KCNH7: variants seen among roughly 807,000 people sequenced by gnomAD.
The protein encoded by KCNH7 is potassium voltage-gated channel subfamily H member 7, also known as voltage-gated inwardly rectifying potassium channel KCNH7.
KCNH7 carries 49 observed loss-of-function variants against 120.8 expected under a neutral mutation model. The observed-to-expected ratio is 0.41, with a 90% CI of 0.32 to 0.51. The LOEUF is 0.51. KCNH7 is among the 20% of genes least tolerant of loss of function. KCNH7 has a pLI of 0.38. For missense variants in KCNH7, 1,097 were observed against 1,446.6 expected, an observed-to-expected ratio of 0.76 and a Z score of 3.92; for synonymous variants, 547 against 516.1, an observed-to-expected ratio of 1.06 and a Z score of -0.81.
intron 2 of KCNH7, among the ~76,000 whole-genome samples, chr2:162,813,132 G>C (rs3912909): frequency 6.6e-6 from 1 of 151,886 alleles, no homozygotes; most frequent in Non-Finnish European, 1.5e-5. Flanking sequence ...ACAAAGACTA[G>C]GGAGACAGGA....
intron 2 of KCNH7, among the ~76,000 whole-genome samples, chr2:162,829,845 A>T (rs1685411477): frequency 8.0e-6 from 1 of 125,046 alleles, no homozygotes; most frequent in Non-Finnish European, 1.7e-5. Flanking sequence ...TGTTAACTTT[A>T]TCTGTTTTTT....
intron 2 of KCNH7, among the ~76,000 whole-genome samples, chr2:162,717,466 C>T (rs930753548): frequency 2.6e-5 from 4 of 152,138 alleles, no homozygotes; most frequent in Admixed American, 1.3e-4. Flanking sequence ...TCACCAGCCT[C>T]CTGCTCACTG....
intron 5 of KCNH7, among the ~76,000 whole-genome samples, chr2:162,510,897 T>G (rs1574046312): frequency 6.6e-6 from 1 of 151,850 alleles, no homozygotes; most frequent in East Asian, 2.0e-4. Flanking sequence ...AGACTTTGGA[T>G]TGAAAATTTA....
intron 2 of KCNH7, among the ~76,000 whole-genome samples, chr2:162,801,273 A>G (rs1327560514): frequency 4.5e-4 from 4 of 8,956 alleles, no homozygotes; most frequent in Non-Finnish European, 2.7e-3. Context: ...TTCAAGCATA[A>G]ATATTTCCCT....
rs67006443 is a variant in KCNH7 at position 162,492,865 on chromosome 2, GTTTTTTTTTTTTTT to G, written c.1128+11564_1128+11577del. Among the ~76,000 whole-genome samples the G allele has an allele frequency of 3.5e-4, 20 of 57,180 alleles. 1 individual carries two copies. The highest frequency in any genetic ancestry group is 2.9e-3 in the Admixed American group (14 of 4,770). 37.5% of individuals were successfully genotyped at this position (57,180 alleles called of 152,430 possible). On this transcript the variant is annotated intron_variant, in intron 6 of 15. Coordinates refer to ENST00000332142, the MANE Select transcript of KCNH7 (RefSeq NM_033272.4). ...CTATGTTTTTCTCTTCTTGGATCTT[GTTTTTTTTTTTTTT>G]TTTTTTTTTTTTTGGAAAAGGTTTT...
chr2:162,581,144 C>A (rs1693853434), intron 2 of KCNH7, among the ~76,000 whole-genome samples: 1 of 151,970 alleles, frequency 6.6e-6, no homozygotes, highest in African/African-American at 2.4e-5. Flanking sequence ...TGATAGATCC[C>A]TGGATATCTC....
At chr2:162,386,539 T>G (rs1177880615) in intron 12 of KCNH7, among the ~76,000 whole-genome samples, 1 of 151,876 alleles carries the variant, frequency 6.6e-6, no homozygotes, top group East Asian at 1.9e-4. Context: ...GTAAACCTTC[T>G]TGTGATCTGT....
At chr2:162,411,661 A>C (rs1411611762) in intron 9 of KCNH7, among the ~76,000 whole-genome samples, 1 of 152,006 alleles carries the variant, frequency 6.6e-6, no homozygotes, top group Non-Finnish European at 1.5e-5. Flanking sequence ...ATCAAGTAGG[A>C]TTCATTTCAT....
At chr2:162,689,012 C>A (rs1686002087) in intron 2 of KCNH7, among the ~76,000 whole-genome samples, 1 of 152,002 alleles carries the variant, frequency 6.6e-6, no homozygotes. Context: ...AGTAGAAAGG[C>A]AATAATGTTC....
chr2:162,537,126 C>G, intron 2 of KCNH7, 46 bp from the exon 3 acceptor site: 1 of 1,465,222 alleles, frequency 6.8e-7, no homozygotes, highest in Non-Finnish European at 9.4e-7. Flanking sequence ...TGCCTTCATT[C>G]TGAACTATCA....
chr2:162,788,294 T>C (rs1683787179), intron 2 of KCNH7, among the ~76,000 whole-genome samples: 1 of 152,166 alleles, frequency 6.6e-6, no homozygotes, highest in Non-Finnish European at 1.5e-5. Flanking sequence ...AACCCCATCA[T>C]AAGTTGAGAA....
In KCNH7 at chr2:162,384,714, A is replaced by G. The variant is rs1385362291; in HGVS notation, c.2936T>C (p.Ile979Thr). Residue 979 changes from isoleucine to threonine, a missense_variant, in exon 13 of 16, where the codon ATA becomes ACA. Physicochemically the swap from Ile to Thr is moderately conservative, Grantham distance 89. Coordinates refer to ENST00000332142, the MANE Select transcript of KCNH7 (RefSeq NM_033272.4). The stretch of plus-strand genomic sequence containing the variant: ...TTTGCAAGAGTGACTTCTTTTATCT[A>G]TGTGCATTCTTCCTGAGGTGGGCAC... ...ETVPTSGRMH[I>T]DKRSHSCKDI... The G allele has an allele frequency of 4.3e-6, 7 of 1,612,544 alleles. No individual in the cohort carries two copies. The highest frequency in any genetic ancestry group is 2.2e-5 in the East Asian group (1 of 44,798).
intron 2 of KCNH7, among the ~76,000 whole-genome samples, chr2:162,668,787 A>C (rs1685238018): frequency 6.6e-6 from 1 of 152,188 alleles, no homozygotes; most frequent in Non-Finnish European, 1.5e-5. Context: ...ATGACCTGTC[A>C]AAAACTATGA....
intron 2 of KCNH7, among the ~76,000 whole-genome samples, chr2:162,771,123 C>T (rs1350000161): frequency 1.3e-5 from 2 of 152,106 alleles, no homozygotes. Flanking sequence ...TACAGATCTC[C>T]AATTTCCCCA....
rs397873711 is a variant in KCNH7 at position 162,520,155 on chromosome 2, C to CTTT, written c.464-2000_464-1998dup. 1.9e-3 allele frequency among the ~76,000 whole-genome samples: 175 copies of CTTT among 89,852 alleles called. 3 individuals carry two copies. The highest frequency in any genetic ancestry group is 2.4e-3 in the Non-Finnish European group (116 of 48,522). The allele number at this position is 89,852 out of a possible 152,430, so 58.9% of individuals were successfully genotyped here. The stretch of plus-strand genomic sequence containing the variant: ...CATAATCTGACCCTCCAAGCCCAGG[C>CTTT]TTTTTTTTTTTTTTTTTTTTTTTTA... On this transcript the variant is annotated intron_variant, in intron 3 of 15. Coordinates refer to ENST00000332142, the MANE Select transcript of KCNH7 (RefSeq NM_033272.4).
chr2:162,665,657 T>C (rs1031845401), intron 2 of KCNH7, among the ~76,000 whole-genome samples: 1 of 152,192 alleles, frequency 6.6e-6, no homozygotes, highest in Non-Finnish European at 1.5e-5. Context: ...CTATCTTGTA[T>C]AAGCAACTCA....
chr2:162,830,032 C>G (rs753525079), intron 2 of KCNH7, among the ~76,000 whole-genome samples: 3 of 151,918 alleles, frequency 2.0e-5, no homozygotes, highest in Non-Finnish European at 2.9e-5. Flanking sequence ...TACAATAATG[C>G]GTAATAACAA....
chr2:162,663,663 A>G (rs557720561), intron 2 of KCNH7, among the ~76,000 whole-genome samples: 3 of 152,298 alleles, frequency 2.0e-5, no homozygotes, highest in African/African-American at 7.2e-5. Flanking sequence ...GTGTAGGGAA[A>G]AGCATTCTGA....
At chr2:162,669,251 C>CAATGTAGAGCAAATAA (rs1685252235) in intron 2 of KCNH7, among the ~76,000 whole-genome samples, 1 of 151,662 alleles carries the variant, frequency 6.6e-6, no homozygotes, top group African/African-American at 2.4e-5. Context: ...AAAATGAATC[C>CAATGTAGAGCAAATAA]AATGTAGAGC....
Sources: gnomAD v4.1 joint callset for allele counts (sites outside exome capture counted in the v4.1 genomes callset) on GRCh38, gnomAD v4.1.1 for gene constraint, MANE v1.5 for transcripts, NCBI Gene and HGNC (gene_info 2026-07-23, HGNC 2026-07-21) for gene names.